The following MAP7 variants were observed in gnomAD, a reference collection of about 807,000 sequenced individuals.
MAP7 encodes ensconsin.
In MAP7, 52 loss-of-function variants were observed where a neutral mutation model predicts 94.8. The observed-to-expected ratio is 0.55, with a 90% confidence interval of 0.44 to 0.69. MAP7 has a LOEUF of 0.69. Ranked by LOEUF, MAP7 falls within the 30% of genes least tolerant of loss-of-function variation. The pLI, the probability that MAP7 is intolerant of heterozygous loss-of-function variation, is 0.00. For missense variants in MAP7, 940 were observed against 964.6 expected (o/e 0.97, Z 0.34); for synonymous variants, 350 against 357.0 (o/e 0.98, Z 0.22).
Position 136,389,399 on chromosome 6 carries a change from C to A in MAP7, c.363G>T (p.Arg121Ser). Residue 121 changes from arginine to serine, a missense_variant, in exon 4 of 18, where the codon AGG becomes AGT. Transcript: ENST00000354570. The stretch of plus-strand genomic sequence containing the variant: ...GCCTCCGCTTCTCCTCCACAGCAGC[C>A]CTCCTCCGCTCCTCCTTCTGCCTCT... ...EEQRQKEERR[R>S]AAVEEKRRQR... 6.3e-7 allele frequency: 1 copy of A among 1,582,000 alleles called. No homozygotes were observed. Among genetic ancestry groups the A allele is most frequent in the Non-Finnish European group, 8.6e-7 (1 of 1,168,046 alleles).
intron 1 of MAP7, among the ~76,000 whole-genome samples, chr6:136,523,808 A>C (rs1827095083): frequency 6.6e-6 from 1 of 152,230 alleles, no homozygotes; most frequent in Admixed American, 6.5e-5. Flanking sequence ...CTTATCCAAG[A>C]AGCTGCAAAA....
intron 1 of MAP7, among the ~76,000 whole-genome samples, chr6:136,463,608 G>T (rs1373054647): frequency 6.6e-6 from 1 of 152,142 alleles, no homozygotes; most frequent in Non-Finnish European, 1.5e-5. Context: ...ATTAAGGAAA[G>T]AACTTGCATT....
chr6:136,365,780 C>T lies in MAP7; in HGVS notation c.1228G>A (p.Ala410Thr), dbSNP rs961853856. ...GCAGGTGTCCGCTCTTCAACTGTGGCTTCTTCTACCTTCACTAAAGGTGCT... is the reference window on the plus strand; with the variant it reads ...GCAGGTGTCCGCTCTTCAACTGTGGTTTCTTCTACCTTCACTAAAGGTGCT... ...GRAPLVKVEEATVEERTPAEP... is the reference protein window; with the variant it reads ...GRAPLVKVEETTVEERTPAEP... Residue 410 changes from alanine (A) to threonine (T), a missense_variant, in exon 10 of 18, where the codon GCC (alanine) becomes ACC (threonine). Physicochemically the swap from Ala to Thr is moderately conservative, Grantham distance 58. Coordinates refer to ENST00000354570, the MANE Select transcript of MAP7 (RefSeq NM_003980.6). 1.2e-6 allele frequency: 2 copies of T among 1,614,042 alleles called. No homozygotes were observed. The highest frequency in any genetic ancestry group is 1.3e-5 in the African/African-American group (1 of 74,902).
chr6:136,484,632 TGA>T (rs1814034577), intron 1 of MAP7, among the ~76,000 whole-genome samples: 1 of 152,246 alleles, frequency 6.6e-6, no homozygotes, highest in Non-Finnish European at 1.5e-5. Context: ...ATTTGTTCAG[TGA>T]TTCTTAAACC....
intron 1 of MAP7, among the ~76,000 whole-genome samples, chr6:136,529,497 T>C (rs1460292081): frequency 6.6e-6 from 1 of 152,210 alleles, no homozygotes; most frequent in Non-Finnish European, 1.5e-5. Flanking sequence ...CACATGCAGA[T>C]ACAGAGGCTT....
At chr6:136,399,190 C>T (rs1007891424) in intron 3 of MAP7, among the ~76,000 whole-genome samples, 1 of 152,130 alleles carries the variant, frequency 6.6e-6, no homozygotes, top group African/African-American at 2.4e-5. Context: ...GCTACTAATT[C>T]TGTGTGATCT....
intron 1 of MAP7, among the ~76,000 whole-genome samples, chr6:136,505,341 G>T (rs1023183007): frequency 7.3e-6 from 1 of 137,084 alleles, no homozygotes; most frequent in African/African-American, 2.8e-5. Flanking sequence ...GGCTGCAAGG[G>T]TACATATTCT....
At chr6:136,535,176 C>T (rs949929445) in intron 1 of MAP7, among the ~76,000 whole-genome samples, 7 of 152,042 alleles carry the variant, frequency 4.6e-5, no homozygotes, top group African/African-American at 1.2e-4. Flanking sequence ...GCTCCTTCCC[C>T]GTGGTGATAA....
chr6:136,365,737 G>T lies in MAP7; in HGVS notation c.1271C>A (p.Pro424His), dbSNP rs1307484453. The T allele has an allele frequency of 3.0e-5, 48 of 1,613,284 alleles. No homozygotes were observed. Among genetic ancestry groups the T allele is most frequent in the Non-Finnish European group, 3.9e-5 (46 of 1,179,622 alleles). Residue 424 changes from proline to histidine, a missense_variant and splice_region_variant, in exon 10 of 18, where the codon CCT becomes CAT. Pro to His is a moderately conservative substitution (Grantham distance 77). Coordinates refer to ENST00000354570, the MANE Select transcript of MAP7 (RefSeq NM_003980.6). ...ERTPAEPEVGPAAPAMAPAPA... is the reference protein window; with the variant it reads ...ERTPAEPEVGHAAPAMAPAPA... Reference sequence around the variant, plus strand: ...ACCACAGGTGAGTTTGCTCTTACCAGGGCCAACTTCTGGTTCAGCAGGTGT... The same window carrying T: ...ACCACAGGTGAGTTTGCTCTTACCATGGCCAACTTCTGGTTCAGCAGGTGT...
intron 10 of MAP7, chr6:136,364,569 C>G: frequency 4.6e-6 from 1 of 215,912 alleles, no homozygotes. Context: ...GTGTGAGTTC[C>G]ACCTAGTGAC....
At chr6:136,356,963 T>C (rs1562305225) in intron 15 of MAP7, among the ~76,000 whole-genome samples, 169 bp from the exon 16 acceptor site, 1 of 152,184 alleles carries the variant, frequency 6.6e-6, no homozygotes, top group Non-Finnish European at 1.5e-5. Flanking sequence ...TCATTAGTAA[T>C]AGTACCTACT....
rs376623522 is a variant in MAP7 at position 136,449,157 on chromosome 6, T to C, written c.68-27358A>G. On this transcript the variant is annotated intron_variant, in intron 1 of 17. Transcript: ENST00000354570. The stretch of plus-strand genomic sequence containing the variant: ...TAAAAATACAAAAATTAGCCGGGCA[T>C]GGTGGCGGGCGCCTGTAGTCCCAGC... Among the ~76,000 whole-genome samples, 246 of 152,132 alleles carry C rather than the reference T, an allele frequency of 1.6e-3. 7 individuals are homozygous for C. In the South Asian group the frequency reaches 0.05, roughly 31 times the overall value.
At chr6:136,542,153 T>C (rs761794555) in intron 1 of MAP7, among the ~76,000 whole-genome samples, 1 of 152,152 alleles carries the variant, frequency 6.6e-6, no homozygotes, top group South Asian at 2.1e-4. Flanking sequence ...AAAAAGATAC[T>C]AAAGAGAATA....
rs536859022 is a variant in MAP7, at chr6:136,538,016, G to C, written c.67+12326C>G. Among the ~76,000 whole-genome samples the C allele has an allele frequency of 2.6e-5, 4 of 152,088 alleles. No homozygotes were observed. The East Asian group carries it at 7.7e-4, about 29-fold the overall frequency. On this transcript the variant is annotated intron_variant, in intron 1 of 17. Coordinates refer to ENST00000354570, the MANE Select transcript of MAP7 (RefSeq NM_003980.6). Reference sequence around the variant, plus strand: ...AGGCTGGTCTCGAACTCCCGACCTCGGGTGATCAGCCGGCCTCGGCCTCCC... The same window carrying C: ...AGGCTGGTCTCGAACTCCCGACCTCCGGTGATCAGCCGGCCTCGGCCTCCC...
At chr6:136,371,633 G>C (rs984500551) in intron 8 of MAP7, among the ~76,000 whole-genome samples, 1 of 152,174 alleles carries the variant, frequency 6.6e-6, no homozygotes, top group African/African-American at 2.4e-5. Flanking sequence ...TTAAGAAACT[G>C]TTTCAGCCTT....
intron 3 of MAP7, 37 bp downstream of exon 3, chr6:136,411,583 A>G: frequency 6.5e-7 from 1 of 1,534,836 alleles, no homozygotes; most frequent in South Asian, 1.2e-5. Flanking sequence ...AGTGACATCC[A>G]TTCAAATCAG....
At chr6:136,435,355 G>T (rs1217095293) in intron 1 of MAP7, among the ~76,000 whole-genome samples, 1 of 152,154 alleles carries the variant, frequency 6.6e-6, no homozygotes, top group African/African-American at 2.4e-5. Context: ...TGAAACACCT[G>T]CTCCTAGATA....
intron 1 of MAP7, among the ~76,000 whole-genome samples, chr6:136,438,987 A>G (rs1797110533): frequency 6.6e-6 from 1 of 152,196 alleles, no homozygotes; most frequent in South Asian, 2.1e-4. Flanking sequence ...AGAAAGTTAC[A>G]ATGTGCAACT....
chr6:136,364,108 A>G, intron 10 of MAP7: 1 of 313,982 alleles, frequency 3.2e-6, no homozygotes, highest in Non-Finnish European at 6.2e-6. Context: ...TGGCAGTGCC[A>G]GCCCCACACT....
Sources: allele counts gnomAD v4.1 joint callset (sites outside exome capture counted in the v4.1 genomes callset), GRCh38; gene constraint gnomAD v4.1.1; transcripts MANE v1.5; gene names NCBI Gene and HGNC (gene_info 2026-07-23, HGNC 2026-07-21).